DDX10: variants seen among roughly 807,000 people sequenced by gnomAD.
DDX10 encodes DEAD-box helicase 10, also known as probable ATP-dependent RNA helicase DDX10.
A neutral mutation model predicts 104.3 loss-of-function variants in DDX10; 74 were observed. The ratio of observed to expected loss-of-function variants is 0.71; its 90% CI spans 0.59 to 0.86. The LOEUF is 0.86. DDX10 is among the 40% of genes least tolerant of loss of function. DDX10 has a pLI of 0.00. For missense variants in DDX10, 952 were observed against 1,040.0 expected (o/e 0.92, Z 1.16); for synonymous variants, 351 against 353.4 (o/e 0.99, Z 0.08).
chr11:108,824,249 G>T (rs1463168383), intron 13 of DDX10, among the ~76,000 whole-genome samples: 2 of 152,042 alleles, frequency 1.3e-5, no homozygotes, highest in Admixed American at 6.6e-5. Flanking sequence ...CACTATGTTG[G>T]CCAGGCTCAT....
chr11:108,717,340 G>A (rs1467577170), intron 11 of DDX10, among the ~76,000 whole-genome samples: 3 of 152,136 alleles, frequency 2.0e-5, no homozygotes, highest in Non-Finnish European at 4.4e-5. Flanking sequence ...ACGCAGTTTC[G>A]CTTTTATTAT....
chr11:108,876,778 A>C (rs1010135795), intron 16 of DDX10, among the ~76,000 whole-genome samples: 1 of 152,180 alleles, frequency 6.6e-6, no homozygotes, highest in South Asian at 2.1e-4. Flanking sequence ...CTTTTCTAGA[A>C]GAGAGAAATC....
At chr11:108,853,940 G>C (rs1003278641) in intron 16 of DDX10, among the ~76,000 whole-genome samples, 4 of 152,186 alleles carry the variant, frequency 2.6e-5, no homozygotes, top group African/African-American at 9.6e-5. Flanking sequence ...AATAGACAGA[G>C]GCTGTGTTTT....
chr11:108,714,079 A>G lies in DDX10; in HGVS notation c.1323-1800A>G, dbSNP rs537518326. Among the ~76,000 whole-genome samples, 8 of 152,320 alleles carry G rather than the reference A, an allele frequency of 5.3e-5. No homozygotes were observed. The South Asian group carries it at 1.2e-3, about 24-fold the overall frequency. ...GAACAGAGTGCTCAGGCATATTTCA[A>G]AATGGTTCATTTTCCCCTTGTTTTG... is the stretch of plus-strand genomic sequence containing the variant. On this transcript the variant is annotated intron_variant, in intron 10 of 17. Coordinates refer to ENST00000322536, the MANE Select transcript of DDX10 (RefSeq NM_004398.4).
At chr11:108,815,164 G>C (rs1322204805) in intron 13 of DDX10, among the ~76,000 whole-genome samples, 1 of 152,018 alleles carries the variant, frequency 6.6e-6, no homozygotes, top group Non-Finnish European at 1.5e-5. Flanking sequence ...TATATACTTT[G>C]ATGTAACATT....
At chr11:108,729,255 C>T (rs2094309023) in intron 13 of DDX10, among the ~76,000 whole-genome samples, 1 of 152,122 alleles carries the variant, frequency 6.6e-6, no homozygotes, top group Non-Finnish European at 1.5e-5. Context: ...CTACGTAATA[C>T]CTCCTTATGC....
intron 16 of DDX10, among the ~76,000 whole-genome samples, chr11:108,875,906 C>T (rs917268547): frequency 6.6e-6 from 1 of 152,100 alleles, no homozygotes; most frequent in Non-Finnish European, 1.5e-5. Context: ...CAGATGATGC[C>T]TAGCTTATAA....
At position 108,786,802 on chromosome 11, in the gene DDX10, G is replaced by A. The variant is rs893485151; in HGVS notation, c.1966-51644G>A. 2.0e-5 allele frequency among the ~76,000 whole-genome samples: 3 copies of A among 152,234 alleles called. No homozygotes were observed. In the East Asian group the frequency reaches 5.8e-4, roughly 29 times the overall value. Reference sequence around the variant, plus strand: ...TGGGTCTTGCCTTTTTATCCATCTTGCCATTCTATGCCTTTTAAGTGGGGA... The same window carrying A: ...TGGGTCTTGCCTTTTTATCCATCTTACCATTCTATGCCTTTTAAGTGGGGA... On this transcript the variant is annotated intron_variant, in intron 13 of 17. Transcript: ENST00000322536.
chr11:108,892,205 GGTAACGA>G (rs1384057199), intron 16 of DDX10, among the ~76,000 whole-genome samples: 1 of 152,102 alleles, frequency 6.6e-6, no homozygotes, highest in Non-Finnish European at 1.5e-5. Flanking sequence ...CCATCCTGGT[GGTAACGA>G]GTGAATTCTG....
intron 13 of DDX10, among the ~76,000 whole-genome samples, chr11:108,824,300 C>T (rs1328917503): frequency 6.6e-6 from 1 of 152,152 alleles, no homozygotes; most frequent in African/African-American, 2.4e-5. Flanking sequence ...ACCTTGGCCT[C>T]GCAAAGTGGC....
chr11:108,901,552 A>T (rs1863517073), intron 16 of DDX10, among the ~76,000 whole-genome samples: 1 of 152,192 alleles, frequency 6.6e-6, no homozygotes, highest in East Asian at 1.9e-4. Flanking sequence ...TTTTGTGAAC[A>T]TTCTGGGGTT....
At chr11:108,793,431 A>G (rs1452023701) in intron 13 of DDX10, among the ~76,000 whole-genome samples, 4 of 152,206 alleles carry the variant, frequency 2.6e-5, no homozygotes, top group Admixed American at 2.6e-4. Context: ...AGTACAAAGC[A>G]ACACTATTAA....
intron 4 of DDX10, among the ~76,000 whole-genome samples, chr11:108,677,999 C>T (rs963528676): frequency 6.6e-6 from 1 of 151,842 alleles, no homozygotes; most frequent in African/African-American, 2.4e-5. Context: ...AGAGTGATTC[C>T]AGTTTATGTC....
intron 9 of DDX10, among the ~76,000 whole-genome samples, chr11:108,702,217 T>C (rs2094269336): frequency 6.6e-6 from 1 of 152,204 alleles, no homozygotes; most frequent in Admixed American, 6.5e-5. Context: ...TAACTTGTAG[T>C]ACAAAAATAA....
At chr11:108,847,780 A>G (rs1346817333) in intron 15 of DDX10, among the ~76,000 whole-genome samples, 2 of 152,210 alleles carry the variant, frequency 1.3e-5, no homozygotes, top group Non-Finnish European at 2.9e-5. Flanking sequence ...CAGTAAGTTT[A>G]CATGTATCGT....
At chr11:108,824,188 G>A (rs1862364697) in intron 13 of DDX10, among the ~76,000 whole-genome samples, 1 of 152,146 alleles carries the variant, frequency 6.6e-6, no homozygotes, top group Non-Finnish European at 1.5e-5. Flanking sequence ...GATTGCAGGT[G>A]CTCACCACCA....
Position 108,679,363 on chromosome 11 carries a change from T to C in DDX10, c.659-8T>C, listed in dbSNP as rs1325348033. ...TATGATAGTTCAACTTGCATTTTCC[T>C]TTTTCAGTTCTTGATGAAGCAGATA... On this transcript the variant is annotated splice_polypyrimidine_tract_variant and splice_region_variant and intron_variant, in intron 5 of 17. Coordinates refer to ENST00000322536, the MANE Select transcript of DDX10 (RefSeq NM_004398.4). 1.3e-6 allele frequency: 2 copies of C among 1,582,672 alleles called. No individual in the cohort carries two copies. The highest frequency in any genetic ancestry group is 2.7e-5 in the African/African-American group (2 of 73,186).
At chr11:108,773,360 G>A (rs1179318446) in intron 13 of DDX10, among the ~76,000 whole-genome samples, 3 of 152,164 alleles carry the variant, frequency 2.0e-5, no homozygotes, top group Non-Finnish European at 2.9e-5. Flanking sequence ...ACCTGTCAAG[G>A]TAGCTGCACT....
chr11:108,795,278 T>A (rs886582886), intron 13 of DDX10, among the ~76,000 whole-genome samples: 8 of 114,780 alleles, frequency 7.0e-5, no homozygotes, highest in Admixed American at 6.6e-4. Context: ...GGCCTGGAAA[T>A]TTTTTTTTTT....
Sources: gnomAD v4.1 joint callset for allele counts (sites outside exome capture counted in the v4.1 genomes callset) on GRCh38, gnomAD v4.1.1 for gene constraint, MANE v1.5 for transcripts, NCBI Gene and HGNC (gene_info 2026-07-23, HGNC 2026-07-21) for gene names.